GRIP1: variants seen among roughly 807,000 people sequenced by gnomAD.
The protein encoded by GRIP1 is glutamate receptor interacting protein 1, also known as glutamate receptor-interacting protein 1.
Under a neutral mutation model 129.9 loss-of-function variants are expected in GRIP1, and 45 were observed. That is an observed-to-expected ratio of 0.35 (90% confidence interval 0.27 to 0.44). GRIP1 has a LOEUF of 0.44. Among genes scored for constraint, GRIP1 ranks in the 20% least tolerant of loss-of-function variants. GRIP1 has a pLI of 1.00. For synonymous variants in GRIP1, 530 were observed against 520.8 expected (o/e 1.02, Z -0.24); for missense variants, 1,196 against 1,396.8 (o/e 0.86, Z 2.29).
chr12:66,647,918 C>T (rs894786179), intron 1 of GRIP1, among the ~76,000 whole-genome samples: 1 of 152,170 alleles, frequency 6.6e-6, no homozygotes, highest in East Asian at 1.9e-4. Flanking sequence ...CATATGATTC[C>T]TTTATTTTAA....
intron 2 of GRIP1, among the ~76,000 whole-genome samples, chr12:66,559,512 A>C (rs1242197751): frequency 6.6e-6 from 1 of 152,206 alleles, no homozygotes; most frequent in African/African-American, 2.4e-5. Flanking sequence ...ATAAAAAATC[A>C]GTGGCATATC....
intron 1 of GRIP1, among the ~76,000 whole-genome samples, chr12:66,954,406 C>A (rs1040130035): frequency 1.3e-5 from 2 of 152,122 alleles, no homozygotes; most frequent in Admixed American, 6.5e-5. Flanking sequence ...TCCTAGAATC[C>A]AGCCACTTAG....
chr12:66,889,929 TG>T (rs1232119916), intron 1 of GRIP1, among the ~76,000 whole-genome samples: 2 of 152,074 alleles, frequency 1.3e-5, no homozygotes, highest in African/African-American at 2.4e-5. Context: ...TGTTTTTTTT[TG>T]TTTTTTGTTT....
At chr12:66,856,038 C>G (rs1297109711) in intron 1 of GRIP1, among the ~76,000 whole-genome samples, 13 of 151,944 alleles carry the variant, frequency 8.6e-5, no homozygotes, top group Middle Eastern at 6.8e-3. Context: ...AATTTTATAG[C>G]ATTTCTAGAT....
At chr12:66,640,681 G>C (rs561366271) in intron 1 of GRIP1, among the ~76,000 whole-genome samples, 1 of 151,960 alleles carries the variant, frequency 6.6e-6, no homozygotes, top group African/African-American at 2.4e-5. Flanking sequence ...AGCATTACTG[G>C]GCCATTTTCT....
At chr12:67,050,282 G>C (rs936051280) in intron 1 of GRIP1, among the ~76,000 whole-genome samples, 47 of 152,038 alleles carry the variant, frequency 3.1e-4, no homozygotes, top group African/African-American at 1.0e-3. Context: ...TTTGCCCTAA[G>C]GGGATTCTTC....
intron 1 of GRIP1, among the ~76,000 whole-genome samples, chr12:67,006,660 C>T (rs140823298): frequency 1.2e-3 from 183 of 152,292 alleles, no homozygotes; most frequent in African/African-American, 4.1e-3. Context: ...AATGCACCTA[C>T]GAGGCTACTG....
At chr12:66,774,944 TG>T (rs1205708519) in intron 1 of GRIP1, among the ~76,000 whole-genome samples, 1 of 152,114 alleles carries the variant, frequency 6.6e-6, no homozygotes, top group African/African-American at 2.4e-5. Context: ...TACAGGTACT[TG>T]GGGCTGTCTC....
intron 1 of GRIP1, among the ~76,000 whole-genome samples, chr12:67,026,915 T>G (rs1047532303): frequency 1.3e-5 from 2 of 152,148 alleles, no homozygotes; most frequent in African/African-American, 4.8e-5. Context: ...TGTTTGTGTG[T>G]TTGTAGTTTT....
chr12:66,876,965 T>A (rs1018862029), intron 1 of GRIP1, among the ~76,000 whole-genome samples: 2 of 152,048 alleles, frequency 1.3e-5, no homozygotes, highest in African/African-American at 4.8e-5. Flanking sequence ...CCCAAGTATT[T>A]TTTTGTTTTG....
In GRIP1 at chr12:66,863,541, G is replaced by A. The variant is rs1482948458; in HGVS notation, c.58+205509C>T. ...GAGGGAGAGAAAGGTGCATTTATAT[G>A]GAGGAAGTGCATTCCTAGCAGAGAA... is the stretch of plus-strand genomic sequence containing the variant. On this transcript the variant is annotated intron_variant, in intron 1 of 1. Coordinates refer to the GRIP1 transcript ENST00000643019. Among the ~76,000 whole-genome samples the A allele has an allele frequency of 3.7e-4, 57 of 152,154 alleles. 1 individual carries two copies. The highest frequency in any genetic ancestry group is 1.6e-4 in the Non-Finnish European group (11 of 67,988).
rs1294629465 is a variant in GRIP1, at chr12:66,962,445, T to G, written c.58+106605A>C. 4.6e-5 allele frequency among the ~76,000 whole-genome samples: 7 copies of G among 152,130 alleles called. No homozygotes were observed. In the East Asian group the frequency reaches 1.3e-3, roughly 29 times the overall value. ...GGCCCTGACTGAAGCATGAGGCCTT[T>G]GCAACGTGCCTGTCTTATTGCTAAA... On this transcript the variant is annotated intron_variant, in intron 1 of 1. Coordinates refer to the GRIP1 transcript ENST00000643019.
chr12:66,680,841 T>C (rs2034557057), upstream of GRIP1, among the ~76,000 whole-genome samples: 1 of 152,192 alleles, frequency 6.6e-6, no homozygotes, highest in Non-Finnish European at 1.5e-5. Context: ...CCCAGTCTAT[T>C]CAAATACAAC....
intron 1 of GRIP1, among the ~76,000 whole-genome samples, chr12:66,814,814 T>G (rs1318713804): frequency 7.3e-6 from 1 of 137,550 alleles, no homozygotes; most frequent in Non-Finnish European, 1.6e-5. Context: ...CTCAGGAAAC[T>G]TTCAATCATG....
chr12:66,983,684 T>A (rs529627641), intron 1 of GRIP1, among the ~76,000 whole-genome samples: 3 of 152,264 alleles, frequency 2.0e-5, no homozygotes, highest in South Asian at 4.2e-4. Flanking sequence ...GTTTTCGAAA[T>A]AATTCAGAAA....
chr12:66,444,834 T>C (rs1238640122), intron 12 of GRIP1, 105 bp from the exon 13 acceptor site: 28 of 1,218,896 alleles, frequency 2.3e-5, no homozygotes, highest in Non-Finnish European at 2.4e-6. Flanking sequence ...CATCATAATT[T>C]GGTCTTGCTT....
intron 1 of GRIP1, among the ~76,000 whole-genome samples, chr12:67,000,963 A>T (rs2042542580): frequency 6.6e-6 from 1 of 152,164 alleles, no homozygotes; most frequent in African/African-American, 2.4e-5. Context: ...ATTATTTGTT[A>T]TTTATCTGAA....
At chr12:66,368,885 G>A (rs879601599) in intron 23 of GRIP1, among the ~76,000 whole-genome samples, 21 of 152,162 alleles carry the variant, frequency 1.4e-4, no homozygotes, top group Non-Finnish European at 2.5e-4. Flanking sequence ...ATTGGAGGGT[G>A]TGCCTACTAA....
At chr12:66,643,706 A>ATGTGT (rs2032126379) in intron 1 of GRIP1, among the ~76,000 whole-genome samples, 5 of 152,016 alleles carry the variant, frequency 3.3e-5, no homozygotes, top group Admixed American at 6.6e-5. Context: ...TGGGATTACA[A>ATGTGT]GTGTGCACCA....
Sources: allele counts gnomAD v4.1 joint callset (sites outside exome capture counted in the v4.1 genomes callset), GRCh38; gene constraint gnomAD v4.1.1; transcripts MANE v1.5; gene names NCBI Gene and HGNC (gene_info 2026-07-23, HGNC 2026-07-21).